The following UGT1A10 variants were observed in gnomAD, a reference collection of about 807,000 sequenced individuals.
The protein encoded by UGT1A10 is UDP glucuronosyltransferase family 1 member A10.
UGT1A10 carries 49 observed loss-of-function variants against 45.8 expected under a neutral mutation model. The ratio of observed to expected loss-of-function variants is 1.07; its 90% CI spans 0.85 to 1.36. The LOEUF (loss-of-function observed/expected upper bound fraction) is 1.36. Among genes scored for constraint, UGT1A10 ranks in the 40% most tolerant of loss-of-function variants. The probability of loss-of-function intolerance (pLI) is 0.00; values close to 1 mark genes in which losing one functional copy is unlikely to be tolerated. For missense variants in UGT1A10, 745 were observed against 668.6 expected (o/e 1.11, Z -1.26); for synonymous variants, 284 against 249.7 (o/e 1.14, Z -1.29).
chr2:233,690,405 C>A, intron 1 of UGT1A10: 2 of 1,185,150 alleles, frequency 1.7e-6, no homozygotes, highest in Non-Finnish European at 2.2e-6. Flanking sequence ...CTATTCCCAA[C>A]ATGAAATTAC....
At chr2:233,670,717 G>A (rs17864684) in intron 1 of UGT1A10, among the ~76,000 whole-genome samples, 23,259 of 152,094 alleles carry the variant, frequency 0.15, 1,856 homozygotes, top group Non-Finnish European at 0.18. Flanking sequence ...TGCTGAATTA[G>A]AGATGTTGGG....
intron 1 of UGT1A10, among the ~76,000 whole-genome samples, chr2:233,684,328 G>A (rs1575432650): frequency 6.6e-6 from 1 of 152,142 alleles, no homozygotes. Flanking sequence ...GTTGTAGGAC[G>A]CTAAGAGGAT....
chr2:233,637,196 G>A lies in UGT1A10; in HGVS notation c.674G>A (p.Arg225Lys). Residue 225 changes from arginine (R) to lysine (K), a missense_variant, in exon 1 of 5, where the codon AGA (arginine) becomes AAA (lysine). Arg to Lys is a conservative substitution (Grantham distance 26). Coordinates refer to ENST00000344644, the MANE Select transcript of UGT1A10 (RefSeq NM_019075.4). Reference sequence around the variant, plus strand: ...CATTTATTTTGCCAGTATCTTTTTAGAAATGCCCTAGAAATAGCCTCTGAA... The same window carrying A: ...CATTTATTTTGCCAGTATCTTTTTAAAAATGCCCTAGAAATAGCCTCTGAA... Reference protein sequence around the residue: ...EDHLFCQYLFRNALEIASEIL... With the variant: ...EDHLFCQYLFKNALEIASEIL... The A allele has an allele frequency of 2.5e-6, 4 of 1,613,920 alleles. No individual in the cohort carries two copies. In the South Asian group the frequency reaches 3.3e-5, roughly 13 times the overall value.
At position 233,747,438 on chromosome 2, in the gene UGT1A10, A is replaced by G; in HGVS notation, c.856-19596A>G. The G allele has an allele frequency of 1.2e-6, 2 of 1,608,812 alleles. 1 individual carries two copies. On this transcript the variant is annotated intron_variant, in intron 1 of 4. Transcript: ENST00000344644. ...GCACATCAAACAAGAGAAATTTTTC[A>G]CCCTGACAACCTATGCCATTTCATG...
In UGT1A10 at chr2:233,682,199, C is replaced by T. The variant is rs151080578; in HGVS notation, c.855+44822C>T. On this transcript the variant is annotated intron_variant, in intron 1 of 4. Transcript: ENST00000344644. ...CTCATACACTCTGGAGGATCAGGACCGGGAGTTCATGGTTTTTGCCGATGC... is the reference window on the plus strand; with the variant it reads ...CTCATACACTCTGGAGGATCAGGACTGGGAGTTCATGGTTTTTGCCGATGC... 6.8e-5 allele frequency: 109 copies of T among 1,614,150 alleles called. No individual in the cohort carries two copies. In the African/African-American group the frequency reaches 1.3e-3, roughly 19 times the overall value.
intron 1 of UGT1A10, chr2:233,730,118 T>A (rs1380920361): frequency 6.0e-5 from 93 of 1,555,792 alleles, no homozygotes; most frequent in Non-Finnish European, 7.7e-5. Context: ...CTTCTCCTTG[T>A]CATAATAGCC....
intron 1 of UGT1A10, among the ~76,000 whole-genome samples, chr2:233,697,199 A>T (rs1410890710): frequency 1.3e-5 from 2 of 152,084 alleles, no homozygotes; most frequent in Admixed American, 6.5e-5. Context: ...CAGTGAATCC[A>T]TCTGGTCCTG....
chr2:233,761,145 A>T, intron 1 of UGT1A10: 4 of 1,614,244 alleles, frequency 2.5e-6, no homozygotes, highest in Non-Finnish European at 3.4e-6. Flanking sequence ...AAAATCCACT[A>T]TCCCAGGTGT....
chr2:233,760,133 A>G, intron 1 of UGT1A10: 6 of 1,369,658 alleles, frequency 4.4e-6, no homozygotes, highest in East Asian at 2.5e-5. Context: ...CACCTTCTTT[A>G]TCTCTGAAAG....
rs759077293 is a variant in UGT1A10, at chr2:233,769,522, C to T, written c.1295+1083C>T. On this transcript the variant is annotated intron_variant, in intron 4 of 4. Transcript: ENST00000344644. The surrounding 1 kb of genome is among the most constrained non-coding windows in gnomAD (Gnocchi z 4.4). ...GTCCATTGCTTTCTCCCATGGTTAC[C>T]TCCTTTAGAAAGAAGCAGCAGTCAG... 1.2e-6 allele frequency: 2 copies of T among 1,612,844 alleles called. No individual in the cohort carries two copies. The highest frequency in any genetic ancestry group is 1.7e-6 in the Non-Finnish European group (2 of 1,179,866).
intron 1 of UGT1A10, among the ~76,000 whole-genome samples, chr2:233,674,671 G>A (rs2074292334): frequency 6.6e-6 from 1 of 152,158 alleles, no homozygotes; most frequent in Non-Finnish European, 1.5e-5. Flanking sequence ...TGAAATAAAT[G>A]TGTTTATGTG....
At chr2:233,703,946 A>G (rs2075760296) in intron 1 of UGT1A10, among the ~76,000 whole-genome samples, 1 of 151,552 alleles carries the variant, frequency 6.6e-6, no homozygotes. Flanking sequence ...ACTGGAGTGC[A>G]GTGGTGTGAT....
chr2:233,693,465 C>A, intron 1 of UGT1A10: 4 of 1,614,070 alleles, frequency 2.5e-6, no homozygotes, highest in Non-Finnish European at 3.4e-6. Context: ...CCAGCCTTAC[C>A]CTGTGGGGTG....
chr2:233,663,906 A>G (rs1237928983), intron 1 of UGT1A10, among the ~76,000 whole-genome samples: 5 of 152,152 alleles, frequency 3.3e-5, no homozygotes, highest in Non-Finnish European at 5.9e-5. Context: ...GATACCTCAT[A>G]CAAGTAGAAT....
chr2:233,670,499 TTAA>T (rs1468548968), intron 1 of UGT1A10, among the ~76,000 whole-genome samples: 4 of 152,252 alleles, frequency 2.6e-5, no homozygotes, highest in African/African-American at 9.6e-5. Context: ...AAAAGTAGTC[TTAA>T]TAATTGGAAG....
chr2:233,770,479 C>T (rs545055885), intron 4 of UGT1A10: 1 of 152,002 alleles, frequency 6.6e-6, no homozygotes, highest in Admixed American at 6.5e-5. Flanking sequence ...CATGAAGAAA[C>T]CTTATCTCTA....
chr2:233,640,286 G>A (rs978338559), intron 1 of UGT1A10, among the ~76,000 whole-genome samples: 2 of 151,972 alleles, frequency 1.3e-5, no homozygotes, highest in Admixed American at 1.3e-4. Flanking sequence ...GTGTTTTGCT[G>A]TATTAATTCA....
chr2:233,755,452 CTGGCCCTGCTCTCTGTGAGGCTCTGTG>C (rs1695924346), intron 1 of UGT1A10: 1 of 306,254 alleles, frequency 3.3e-6, no homozygotes, highest in Admixed American at 4.3e-5. Flanking sequence ...GCTCCTGGGA[CTGGCCCTGCTCTCTGTGAGGCTCTGTG>C]AGGCCCTGTG....
At chr2:233,707,336 T>G (rs2075956257) in intron 1 of UGT1A10, among the ~76,000 whole-genome samples, 1 of 152,282 alleles carries the variant, frequency 6.6e-6, no homozygotes, top group East Asian at 1.9e-4. Context: ...CCATGGTGGT[T>G]TGCTGCCCAG....
Sources: allele counts gnomAD v4.1 joint callset (sites outside exome capture counted in the v4.1 genomes callset), GRCh38; gene constraint gnomAD v4.1.1; non-coding constraint Gnocchi (gnomAD v3.1); transcripts MANE v1.5; gene names NCBI Gene and HGNC (gene_info 2026-07-23, HGNC 2026-07-21).